The following XYLT1 variants were observed in gnomAD, a reference collection of about 807,000 sequenced individuals.
XYLT1 encodes beta-D-xylosyltransferase 1.
Under a neutral mutation model 91.3 loss-of-function variants are expected in XYLT1, and 36 were observed. That is an observed-to-expected ratio of 0.39 (90% confidence interval 0.30 to 0.52). The LOEUF (loss-of-function observed/expected upper bound fraction) is 0.52. Among genes scored for constraint, XYLT1 ranks in the 20% least tolerant of loss-of-function variants. The probability of loss-of-function intolerance (pLI) is 0.68; values close to 1 mark genes in which losing one functional copy is unlikely to be tolerated. For synonymous variants in XYLT1, 588 were observed against 532.0 expected, an observed-to-expected ratio of 1.11 and a Z score of -1.45; for missense variants, 1,242 against 1,284.5, an observed-to-expected ratio of 0.97 and a Z score of 0.51.
chr16:17,447,209 C>A (rs2036604119), intron 1 of XYLT1, among the ~76,000 whole-genome samples: 1 of 152,136 alleles, frequency 6.6e-6, no homozygotes, highest in South Asian at 2.1e-4. Context: ...TTCCCTAAGA[C>A]CCTCCCAATG....
chr16:17,307,676 T>C (rs981048204), intron 2 of XYLT1, among the ~76,000 whole-genome samples: 3 of 152,196 alleles, frequency 2.0e-5, no homozygotes, highest in Non-Finnish European at 4.4e-5. Context: ...ATCTTTCCAA[T>C]GACTCTGGCC....
chr16:17,360,369 T>C (rs2035365028), intron 1 of XYLT1, among the ~76,000 whole-genome samples: 1 of 152,190 alleles, frequency 6.6e-6, no homozygotes, highest in Non-Finnish European at 1.5e-5. Flanking sequence ...GTTGACAAAA[T>C]CAAAAGCCTG....
At position 17,102,755 on chromosome 16, in the gene XYLT1, T is replaced by C. The variant is rs1445154148; in HGVS notation, c.*5940A>G. The C allele has an allele frequency of 1.1e-5, 1 of 93,534 alleles. No individual in the cohort carries two copies. The highest frequency in any genetic ancestry group is 2.4e-4 in the East Asian group (1 of 4,240). 5.8% of individuals were successfully genotyped at this position (93,534 alleles called of 1,614,324 possible). A position where few individuals can be genotyped will look rare whatever the true frequency, so the allele number is the denominator to read the frequency against. ...CATTTGAATTCTTTTTTTAAAACTTTATTTACAGATTTTTTTTAAAATCAA... is the reference window on the plus strand; with the variant it reads ...CATTTGAATTCTTTTTTTAAAACTTCATTTACAGATTTTTTTTAAAATCAA... On this transcript the variant is annotated 3_prime_UTR_variant, in exon 12 of 12. Coordinates refer to ENST00000261381, the MANE Select transcript of XYLT1 (RefSeq NM_022166.4).
intron 1 of XYLT1, among the ~76,000 whole-genome samples, chr16:17,400,782 G>C (rs1409870481): frequency 6.6e-6 from 1 of 152,136 alleles, no homozygotes; most frequent in Non-Finnish European, 1.5e-5. Flanking sequence ...ACAAGGTGTG[G>C]AGTTAGAGCG....
intron 1 of XYLT1, among the ~76,000 whole-genome samples, chr16:17,430,872 T>C (rs963559179): frequency 1.1e-4 from 16 of 152,160 alleles, no homozygotes; most frequent in Non-Finnish European, 2.1e-4. Context: ...AGAGATAGTA[T>C]CTAAAGTAAA....
chr16:17,308,916 G>A (rs934571358), intron 2 of XYLT1, among the ~76,000 whole-genome samples: 48 of 151,856 alleles, frequency 3.2e-4, no homozygotes, highest in African/African-American at 1.0e-3. Context: ...GCAAAATAGC[G>A]GATACTGTAT....
intron 4 of XYLT1, among the ~76,000 whole-genome samples, chr16:17,198,902 G>A (rs76905153): frequency 2.0e-5 from 3 of 152,022 alleles, no homozygotes; most frequent in Non-Finnish European, 4.4e-5. Flanking sequence ...GCGCCACCAC[G>A]CCCAGCTAAG....
intron 3 of XYLT1, among the ~76,000 whole-genome samples, chr16:17,252,068 C>T (rs1026535366): frequency 1.6e-4 from 24 of 152,040 alleles, no homozygotes; most frequent in African/African-American, 5.6e-4. Flanking sequence ...TTCTTGTCGC[C>T]CCTTCATTTA....
chr16:17,348,469 A>G (rs1303812461), intron 2 of XYLT1, among the ~76,000 whole-genome samples: 1 of 152,086 alleles, frequency 6.6e-6, no homozygotes. Flanking sequence ...GGCCCTCTCA[A>G]TGCCACTCCC....
At chr16:17,116,962 T>C (rs1448626959) in intron 11 of XYLT1, among the ~76,000 whole-genome samples, 1 of 152,200 alleles carries the variant, frequency 6.6e-6, no homozygotes, top group African/African-American at 2.4e-5. Context: ...TCCTCTCTTT[T>C]ATAGCAGGGT....
intron 5 of XYLT1, among the ~76,000 whole-genome samples, chr16:17,181,266 A>T (rs2141568093): frequency 6.6e-6 from 1 of 152,108 alleles, no homozygotes; most frequent in Admixed American, 6.6e-5. Context: ...TACCTTCCTC[A>T]CTCTCATCAC....
chr16:17,447,020 C>T (rs1327269247), intron 1 of XYLT1, among the ~76,000 whole-genome samples: 1 of 130,528 alleles, frequency 7.7e-6, no homozygotes, highest in South Asian at 2.8e-4. Context: ...CTCCCTCCTT[C>T]GGAGAGCCTC....
chr16:17,357,435 T>C (rs2035317972), intron 2 of XYLT1, among the ~76,000 whole-genome samples: 1 of 152,108 alleles, frequency 6.6e-6, no homozygotes, highest in Admixed American at 6.6e-5. Flanking sequence ...TGCTGCACTG[T>C]CCTAGCTCCC....
chr16:17,226,770 G>A (rs901923328), intron 3 of XYLT1, among the ~76,000 whole-genome samples: 2 of 152,178 alleles, frequency 1.3e-5, no homozygotes, highest in Non-Finnish European at 2.9e-5. Context: ...ATGACAGAGT[G>A]AAACCCTGTC....
At chr16:17,151,127 T>G (rs2031272508) in intron 6 of XYLT1, among the ~76,000 whole-genome samples, 1 of 152,156 alleles carries the variant, frequency 6.6e-6, no homozygotes, top group Non-Finnish European at 1.5e-5. Context: ...GCATGGTGGT[T>G]AAGCACCCTG....
At chr16:17,372,272 A>T (rs2035545074) in intron 1 of XYLT1, among the ~76,000 whole-genome samples, 1 of 152,228 alleles carries the variant, frequency 6.6e-6, no homozygotes, top group Admixed American at 6.5e-5. Context: ...TGCTAACAGC[A>T]TTTCTCAGGG....
intron 2 of XYLT1, among the ~76,000 whole-genome samples, chr16:17,324,788 T>C (rs1433361593): frequency 6.6e-6 from 1 of 152,244 alleles, no homozygotes; most frequent in Admixed American, 6.5e-5. Flanking sequence ...CACACATAAA[T>C]GTAGAAAACA....
At chr16:17,372,447 T>C (rs910494834) in intron 1 of XYLT1, among the ~76,000 whole-genome samples, 1 of 152,160 alleles carries the variant, frequency 6.6e-6, no homozygotes, top group Non-Finnish European at 1.5e-5. Flanking sequence ...GGAAAGGGTG[T>C]TAGAGGGGCA....
chr16:17,303,336 A>G (rs2034425518), intron 2 of XYLT1, among the ~76,000 whole-genome samples: 1 of 152,200 alleles, frequency 6.6e-6, no homozygotes, highest in African/African-American at 2.4e-5. Flanking sequence ...CTGTACAGCC[A>G]CGCTGGCAGA....
Sources: gnomAD v4.1 joint callset for allele counts (sites outside exome capture counted in the v4.1 genomes callset) on GRCh38, gnomAD v4.1.1 for gene constraint, MANE v1.5 for transcripts, NCBI Gene and HGNC (gene_info 2026-07-23, HGNC 2026-07-21) for gene names.